SSBP2: variants seen among roughly 807,000 people sequenced by gnomAD.
SSBP2 encodes the protein single stranded DNA binding protein 2.
A neutral mutation model predicts 61.8 loss-of-function variants in SSBP2; 17 were observed. The observed-to-expected ratio is 0.28, with a 90% confidence interval of 0.19 to 0.41. SSBP2 has a LOEUF of 0.41. SSBP2 is among the 10% of genes least tolerant of loss of function. The pLI, the probability that SSBP2 is intolerant of heterozygous loss-of-function variation, is 1.00. For synonymous variants in SSBP2, 139 were observed against 141.3 expected, an observed-to-expected ratio of 0.98 and a Z score of 0.12; for missense variants, 310 against 458.7, an observed-to-expected ratio of 0.68 and a Z score of 2.96.
At chr5:81,746,219 T>C (rs772654288) in intron 1 of SSBP2, among the ~76,000 whole-genome samples, 3 of 151,826 alleles carry the variant, frequency 2.0e-5, no homozygotes, top group Non-Finnish European at 4.4e-5. Flanking sequence ...AAAATAGGGG[T>C]TTTTTTGATA....
chr5:81,583,390 G>A (rs1456067134), intron 4 of SSBP2, among the ~76,000 whole-genome samples: 1 of 152,092 alleles, frequency 6.6e-6, no homozygotes, highest in Non-Finnish European at 1.5e-5. Flanking sequence ...AGCACTTTGG[G>A]AGGCCAAGGC....
intron 1 of SSBP2, among the ~76,000 whole-genome samples, chr5:81,690,229 T>C (rs996429795): frequency 6.6e-6 from 1 of 151,960 alleles, no homozygotes; most frequent in Non-Finnish European, 1.5e-5. Context: ...AATAACAAAA[T>C]GGCAGGAGTA....
intron 3 of SSBP2, among the ~76,000 whole-genome samples, chr5:81,626,155 A>C (rs1440859518): frequency 5.9e-5 from 9 of 152,236 alleles, no homozygotes; most frequent in Non-Finnish European, 2.9e-5. Context: ...AACTTGTATT[A>C]ATATTATTCC....
At chr5:81,461,944 G>A (rs1764574043) in intron 9 of SSBP2, among the ~76,000 whole-genome samples, 1 of 152,122 alleles carries the variant, frequency 6.6e-6, no homozygotes, top group African/African-American at 2.4e-5. Context: ...GCAGACTACT[G>A]TCAGTCGGTC....
intron 2 of SSBP2, among the ~76,000 whole-genome samples, chr5:81,640,748 T>G (rs1485860593): frequency 6.6e-6 from 1 of 152,126 alleles, no homozygotes; most frequent in African/African-American, 2.4e-5. Context: ...CGTCTCGTCC[T>G]TCTCTCAAAA....
At chr5:81,485,879 G>A (rs1231303933) in intron 6 of SSBP2, among the ~76,000 whole-genome samples, 1 of 152,114 alleles carries the variant, frequency 6.6e-6, no homozygotes, top group African/African-American at 2.4e-5. Context: ...CTACTTTAAT[G>A]ACTACATAAC....
At chr5:81,585,187 C>T (rs1195294238) in intron 4 of SSBP2, among the ~76,000 whole-genome samples, 2 of 151,952 alleles carry the variant, frequency 1.3e-5, no homozygotes, top group Non-Finnish European at 2.9e-5. Flanking sequence ...TTCTCCCCAC[C>T]AACCCACCCC....
rs141166815 is a variant in SSBP2, at chr5:81,662,756, G to A, written c.63-12417C>T. Among the ~76,000 whole-genome samples the A allele has an allele frequency of 3.1e-3, 476 of 152,150 alleles. 3 individuals carry two copies. The highest frequency in any genetic ancestry group is 0.011 in the African/African-American group (455 of 41,516). On this transcript the variant is annotated intron_variant, in intron 1 of 16. Coordinates refer to ENST00000320672, the MANE Select transcript of SSBP2 (RefSeq NM_012446.5). ...GCGGAGGTTGCAGCAAGCCAAGATC[G>A]AGCCACTACACTCCAGCCTGGGTGA...
intron 1 of SSBP2, among the ~76,000 whole-genome samples, chr5:81,687,922 C>T (rs1214519075): frequency 1.3e-5 from 2 of 152,172 alleles, no homozygotes; most frequent in African/African-American, 4.8e-5. Context: ...CGACCCAGCA[C>T]ATTCCCAGCT....
intron 15 of SSBP2, among the ~76,000 whole-genome samples, chr5:81,432,990 G>T (rs1319138309): frequency 6.7e-6 from 1 of 150,280 alleles, no homozygotes; most frequent in Admixed American, 6.6e-5. Context: ...GGTGGGGGGG[G>T]TCAGACTCCC....
chr5:81,643,755 A>G (rs532456318), intron 2 of SSBP2, among the ~76,000 whole-genome samples: 1 of 151,150 alleles, frequency 6.6e-6, no homozygotes, highest in Non-Finnish European at 1.5e-5. Flanking sequence ...GGAGCCCACC[A>G]CCATACTCGG....
intron 4 of SSBP2, among the ~76,000 whole-genome samples, chr5:81,518,068 G>GT (rs1477120072): frequency 2.0e-5 from 3 of 152,062 alleles, no homozygotes; most frequent in African/African-American, 7.2e-5. Flanking sequence ...CTAGAGAACT[G>GT]TTTGCCTAAT....
chr5:81,690,676 A>G (rs1753137348), intron 1 of SSBP2, among the ~76,000 whole-genome samples: 1 of 152,100 alleles, frequency 6.6e-6, no homozygotes, highest in Non-Finnish European at 1.5e-5. Context: ...TCGTTCAGAC[A>G]AAAAAAGTCA....
intron 16 of SSBP2, among the ~76,000 whole-genome samples, chr5:81,427,384 C>T (rs1762021108): frequency 6.6e-6 from 1 of 151,984 alleles, no homozygotes; most frequent in Admixed American, 6.6e-5. Flanking sequence ...TCATATATTG[C>T]CTGCAAGTAA....
intron 3 of SSBP2, among the ~76,000 whole-genome samples, chr5:81,624,494 A>C (rs1746938492): frequency 6.6e-6 from 1 of 152,152 alleles, no homozygotes; most frequent in Non-Finnish European, 1.5e-5. Flanking sequence ...CAAATCTGAA[A>C]ATCCAAATTC....
intron 14 of SSBP2, among the ~76,000 whole-genome samples, chr5:81,440,066 T>A (rs1762932000): frequency 6.6e-6 from 1 of 152,142 alleles, no homozygotes. Context: ...ATTCAAATTA[T>A]CCAGAATATG....
chr5:81,615,723 C>T (rs920635132), intron 3 of SSBP2, among the ~76,000 whole-genome samples, 166 bp from the exon 4 acceptor site: 3 of 152,150 alleles, frequency 2.0e-5, no homozygotes, highest in East Asian at 1.9e-4. Flanking sequence ...CATGCAATAA[C>T]AGTGTTACCA....
chr5:81,714,788 A>T (rs145359350), intron 1 of SSBP2, among the ~76,000 whole-genome samples: 1 of 152,220 alleles, frequency 6.6e-6, no homozygotes, highest in Middle Eastern at 3.4e-3. Context: ...TAGATTCTGG[A>T]TATTAGCGCT....
chr5:81,634,040 T>G (rs1747975558), intron 3 of SSBP2, among the ~76,000 whole-genome samples: 1 of 152,198 alleles, frequency 6.6e-6, no homozygotes, highest in South Asian at 2.1e-4. Flanking sequence ...GACTTCCTCC[T>G]TGGCCAGGGC....
Sources: allele counts gnomAD v4.1 joint callset (sites outside exome capture counted in the v4.1 genomes callset), GRCh38; gene constraint gnomAD v4.1.1; transcripts MANE v1.5; gene names NCBI Gene and HGNC (gene_info 2026-07-23, HGNC 2026-07-21).